TJP3: variants seen among roughly 807,000 people sequenced by gnomAD.
TJP3 encodes the protein tight junction protein 3, also known as tight junction protein ZO-3.
In TJP3, 85 loss-of-function variants were observed where a neutral mutation model predicts 104.2. That is an observed-to-expected ratio of 0.82 (90% confidence interval 0.68 to 0.98). The LOEUF (loss-of-function observed/expected upper bound fraction) is 0.98, where lower values mean the gene tolerates loss of function less well. Among genes scored for constraint, TJP3 ranks in the 50% least tolerant of loss-of-function variants. The probability of loss-of-function intolerance (pLI) is 0.00; values close to 1 mark genes in which losing one functional copy is unlikely to be tolerated. For missense variants in TJP3, 1,367 were observed against 1,322.8 expected (o/e 1.03, Z -0.52); for synonymous variants, 550 against 550.6 (o/e 1.00, Z 0.02).
chr19:3,720,184 T>G (rs1363791787), intron 1 of TJP3, among the ~76,000 whole-genome samples: 1 of 152,218 alleles, frequency 6.6e-6, no homozygotes, highest in Non-Finnish European at 1.5e-5. Context: ...GAGCTGGTTT[T>G]AGAACTCTCC....
At chr19:3,738,823 G>A in intron 12 of TJP3, 74 bp from the exon 13 acceptor site, 4 of 1,434,854 alleles carry the variant, frequency 2.8e-6, no homozygotes, top group Non-Finnish European at 3.8e-6. Context: ...CTCCAGCCAG[G>A]CCCACTCTCG....
At chr19:3,750,219 C>T (rs2036973872) in intron 20 of TJP3, 35 bp downstream of exon 20, 1 of 1,613,528 alleles carries the variant, frequency 6.2e-7, no homozygotes, top group South Asian at 1.1e-5. Context: ...GGGCCCTCAA[C>T]CCTTCCCTTG....
chr19:3,746,478 G>A lies in TJP3; in HGVS notation c.2011-7G>A. ...CCCTCACCCCAACGTCCGCCGGCCT[G>A]GCCCAGGACAAGCATGCGCTCCTGG... On this transcript the variant is annotated splice_polypyrimidine_tract_variant and splice_region_variant and intron_variant, in intron 16 of 20. Coordinates refer to ENST00000541714, the MANE Select transcript of TJP3 (RefSeq NM_001267560.2). The surrounding 1 kb of genome is among the most constrained non-coding windows in gnomAD (Gnocchi z 4.1). 6.2e-7 allele frequency: 1 copy of A among 1,613,626 alleles called. No homozygotes were observed. Among genetic ancestry groups the A allele is most frequent in the Non-Finnish European group, 8.5e-7 (1 of 1,179,926 alleles).
rs151180531 is a variant in TJP3, at chr19:3,738,244, A to G, written c.1285-311A>G. Reference sequence around the variant, plus strand: ...CACAGTTTCCATCGAGCTCCATGCCATGACCTCTGTTCCCATGTTTTGATA... The same window carrying G: ...CACAGTTTCCATCGAGCTCCATGCCGTGACCTCTGTTCCCATGTTTTGATA... On this transcript the variant is annotated intron_variant, in intron 11 of 20. Transcript: ENST00000541714. Among the ~76,000 whole-genome samples, 18 of 152,316 alleles carry G rather than the reference A, an allele frequency of 1.2e-4. No individual in the cohort carries two copies. The East Asian group carries it at 2.7e-3, about 23-fold the overall frequency.
At chr19:3,745,871 T>G in intron 15 of TJP3, 140 bp from the exon 16 acceptor site, 1 of 682,712 alleles carries the variant, frequency 1.5e-6, no homozygotes, top group Non-Finnish European at 2.5e-6. Flanking sequence ...CCAACATGAG[T>G]TTCTGCTGCT....
At chr19:3,731,880 TC>T in intron 5 of TJP3, 54 bp from the exon 6 acceptor site, 2 of 1,504,296 alleles carry the variant, frequency 1.3e-6, no homozygotes, top group Non-Finnish European at 1.8e-6. Context: ...AGGAGAATGC[TC>T]CCAGGCACCC....
intron 1 of TJP3, among the ~76,000 whole-genome samples, chr19:3,715,227 C>G (rs2036466813): frequency 6.6e-6 from 1 of 151,536 alleles, no homozygotes; most frequent in South Asian, 2.1e-4. Flanking sequence ...GTAGCTGGGA[C>G]TACAGGCGCC....
At chr19:3,718,225 G>C (rs1239502052) in intron 1 of TJP3, among the ~76,000 whole-genome samples, 2 of 83,162 alleles carry the variant, frequency 2.4e-5, no homozygotes, top group Non-Finnish European at 4.5e-5. Context: ...GTGTGTGTGT[G>C]TGTGTGTGTG....
At chr19:3,750,104 G>C (rs1190286105) in intron 19 of TJP3, 34 bp from the exon 20 acceptor site, 12 of 1,613,978 alleles carry the variant, frequency 7.4e-6, no homozygotes, top group Non-Finnish European at 1.0e-5. Context: ...GCTCTGGGGG[G>C]AGTTTTGAAG....
At chr19:3,750,104 G>GA in intron 19 of TJP3, 34 bp from the exon 20 acceptor site, 4 of 1,613,978 alleles carry the variant, frequency 2.5e-6, no homozygotes, top group Non-Finnish European at 3.4e-6. Flanking sequence ...GCTCTGGGGG[G>GA]AGTTTTGAAG....
At chr19:3,724,587 A>G (rs2036579050) in intron 1 of TJP3, among the ~76,000 whole-genome samples, 1 of 152,196 alleles carries the variant, frequency 6.6e-6, no homozygotes, top group South Asian at 2.1e-4. Flanking sequence ...CCCAGGCTGG[A>G]GTGCAGAGGC....
In TJP3 at chr19:3,732,941, G is replaced by C. The variant is rs542992338; in HGVS notation, c.718-812G>C. Among the ~76,000 whole-genome samples the C allele has an allele frequency of 4.0e-5, 6 of 150,364 alleles. No homozygotes were observed. In the South Asian group the frequency reaches 1.3e-3, roughly 32 times the overall value. On this transcript the variant is annotated intron_variant, in intron 6 of 20. Transcript: ENST00000541714. ...ATTACAGGCATGAGCCACCACACCC[G>C]GCCGACATTAAGTTCTTTCTAGGAA...
chr19:3,725,372 T>G (rs967786633), intron 1 of TJP3, among the ~76,000 whole-genome samples: 1 of 152,022 alleles, frequency 6.6e-6, no homozygotes, highest in African/African-American at 2.4e-5. Context: ...TTACTGAACC[T>G]CTCTAGGCCC....
In TJP3 at chr19:3,734,389, C is replaced by A; in HGVS notation, c.940C>A (p.Arg314=). The A allele has an allele frequency of 1.2e-6, 2 of 1,613,248 alleles. No individual in the cohort carries two copies. Among genetic ancestry groups the A allele is most frequent in the South Asian group, 2.2e-5 (2 of 91,016 alleles). Residue 314 remains arginine (R), a synonymous_variant, in exon 8 of 21, where the codon CGG becomes AGG. Coordinates refer to ENST00000541714, the MANE Select transcript of TJP3 (RefSeq NM_001267560.2). The part of the protein sequence containing the change: ...APPSHIPPPP[R]HAQRSPEASQ... ...ACCATCCCACATCCCACCACCACCC[C>A]GGCATGCTCAGCGGAGCCCCGAGGC...
intron 3 of TJP3, among the ~76,000 whole-genome samples, chr19:3,729,239 A>G (rs2036638479): frequency 1.3e-5 from 2 of 152,176 alleles, no homozygotes; most frequent in South Asian, 4.2e-4. Context: ...TTTGGAACAT[A>G]AAGTCCTGGA....
chr19:3,709,483 G>T (rs2145658278), intron 1 of TJP3, among the ~76,000 whole-genome samples: 1 of 152,320 alleles, frequency 6.6e-6, no homozygotes, highest in East Asian at 1.9e-4. Context: ...AGCCAGAGAG[G>T]GGAGGGGTCG....
intron 5 of TJP3, among the ~76,000 whole-genome samples, chr19:3,731,387 C>T (rs2036668862): frequency 6.6e-6 from 1 of 152,130 alleles, no homozygotes; most frequent in Admixed American, 6.6e-5. Flanking sequence ...AATCCCAGCA[C>T]TTTGGGAGGC....
At chr19:3,716,819 A>G (rs2036482527) in intron 1 of TJP3, among the ~76,000 whole-genome samples, 1 of 69,250 alleles carries the variant, frequency 1.4e-5, no homozygotes, top group African/African-American at 6.0e-5. Context: ...TTTTTTTTTG[A>G]AACAGAGTCT....
intron 13 of TJP3, among the ~76,000 whole-genome samples, chr19:3,740,016 G>C (rs1486419476): frequency 6.6e-6 from 1 of 151,916 alleles, no homozygotes. Flanking sequence ...GGCAGATCAC[G>C]AGGTCAAGAG....
Sources: gnomAD v4.1 joint callset for allele counts (sites outside exome capture counted in the v4.1 genomes callset) on GRCh38, gnomAD v4.1.1 for gene constraint, Gnocchi (gnomAD v3.1) non-coding constraint, MANE v1.5 for transcripts, NCBI Gene and HGNC (gene_info 2026-07-23, HGNC 2026-07-21) for gene names.